Variants in RPTOR observed in about 807,000 individuals in gnomAD.
RPTOR encodes regulatory-associated protein of mTOR.
Under a neutral mutation model 169.9 loss-of-function variants are expected in RPTOR, and 21 were observed. That is an observed-to-expected ratio of 0.12 (90% confidence interval 0.09 to 0.18). RPTOR has a LOEUF of 0.18. Among genes scored for constraint, RPTOR ranks in the 10% least tolerant of loss-of-function variants. The pLI is 1.00. For missense variants in RPTOR, 1,133 were observed against 1,855.9 expected, an observed-to-expected ratio of 0.61 and a Z score of 7.16; for synonymous variants, 732 against 753.2, an observed-to-expected ratio of 0.97 and a Z score of 0.46.
intron 3 of RPTOR, among the ~76,000 whole-genome samples, chr17:80,685,879 A>T (rs1166942219): frequency 6.6e-6 from 1 of 150,748 alleles, no homozygotes; most frequent in African/African-American, 2.4e-5. Context: ...CCCGACAAGA[A>T]CCCTATTTCT....
chr17:80,713,225 C>T (rs1455282021), intron 4 of RPTOR, among the ~76,000 whole-genome samples: 9 of 152,158 alleles, frequency 5.9e-5, no homozygotes, highest in South Asian at 4.1e-4. Context: ...CCCGCCTCCA[C>T]GCCCGGCTAA....
chr17:80,561,463 CTG>C (rs993664966), intron 1 of RPTOR, among the ~76,000 whole-genome samples: 1 of 151,094 alleles, frequency 6.6e-6, no homozygotes, highest in Non-Finnish European at 1.5e-5. Flanking sequence ...CAGGGTCTCA[CTG>C]TGTCACTGAG....
At chr17:80,812,341 T>G (rs1017815474) in intron 7 of RPTOR, among the ~76,000 whole-genome samples, 8 of 144,772 alleles carry the variant, frequency 5.5e-5, no homozygotes, top group Non-Finnish European at 1.1e-4. Flanking sequence ...TAATTACCTG[T>G]TTTTTTTTTT....
chr17:80,672,293 T>C (rs2065827609), intron 3 of RPTOR, among the ~76,000 whole-genome samples: 1 of 152,072 alleles, frequency 6.6e-6, no homozygotes, highest in Non-Finnish European at 1.5e-5. Flanking sequence ...AAGTAGTCAT[T>C]CCAAGGCTGT....
At chr17:80,605,639 C>G (rs766203156) in intron 1 of RPTOR, among the ~76,000 whole-genome samples, 3 of 152,152 alleles carry the variant, frequency 2.0e-5, no homozygotes, top group Non-Finnish European at 4.4e-5. Flanking sequence ...CTGGGCGTTT[C>G]TCTTCCAGAG....
intron 1 of RPTOR, among the ~76,000 whole-genome samples, chr17:80,592,308 G>A (rs539062771): frequency 1.3e-5 from 2 of 152,170 alleles, no homozygotes; most frequent in South Asian, 4.1e-4. Context: ...GAGATCCGCT[G>A]TGTGGTTTCA....
rs202130510 is a variant in RPTOR, at chr17:80,947,332, G to A, written c.3246G>A (p.Ser1082=). The change falls in exon 27 of 34, where the codon TCG becomes TCA. Residue 1082 remains serine, a synonymous_variant. Transcript: ENST00000306801. The surrounding 1 kb of genome is among the most constrained non-coding windows in gnomAD (Gnocchi z 4.4). ...AGTATCTGAACGGCCAGGACTGCTC[G>A]CTTCTGCTGACGGCCACAGGTGAGC... ...AMEYLNGQDC[S]LLLTATDDGA... is the part of the protein sequence containing the mutation. 2.5e-5 allele frequency: 39 copies of A among 1,576,552 alleles called. No individual in the cohort carries two copies. Among genetic ancestry groups the A allele is most frequent in the East Asian group, 9.4e-5 (4 of 42,444 alleles).
At chr17:80,812,018 GACACAGC>G (rs1438215235) in intron 7 of RPTOR, among the ~76,000 whole-genome samples, 2 of 152,204 alleles carry the variant, frequency 1.3e-5, no homozygotes, top group Non-Finnish European at 2.9e-5. Flanking sequence ...GTACCCACGG[GACACAGC>G]CACACCCTCT....
chr17:80,872,305 T>G (rs2068060190), intron 13 of RPTOR, among the ~76,000 whole-genome samples: 1 of 152,178 alleles, frequency 6.6e-6, no homozygotes, highest in African/African-American at 2.4e-5. Context: ...TTTTTAGCCA[T>G]CCTCCTAGTT....
chr17:80,893,562 GGGTGTGTGTGTACCA>G, intron 19 of RPTOR, 130 bp from the exon 20 acceptor site: 1 of 997,692 alleles, frequency 1.0e-6, no homozygotes, highest in East Asian at 2.8e-5. Context: ...GTGCGCACCA[GGGTGTGTGTGTACCA>G]GGGTGTGTTT....
intron 1 of RPTOR, among the ~76,000 whole-genome samples, chr17:80,590,261 G>T (rs996843371): frequency 6.7e-6 from 1 of 149,288 alleles, no homozygotes; most frequent in African/African-American, 2.5e-5. Context: ...AGGCATGCAG[G>T]TATGCACACA....
chr17:80,806,814 T>A (rs1343147933), intron 7 of RPTOR, among the ~76,000 whole-genome samples: 5 of 152,256 alleles, frequency 3.3e-5, no homozygotes, highest in African/African-American at 9.6e-5. Flanking sequence ...TTCTTTTTTT[T>A]AAATTCTCTT....
chr17:80,838,265 C>T (rs546431076), intron 10 of RPTOR, among the ~76,000 whole-genome samples: 1 of 152,352 alleles, frequency 6.6e-6, no homozygotes, highest in Non-Finnish European at 1.5e-5. Flanking sequence ...CGGACTCACT[C>T]CCTGTGAGTG....
chr17:80,734,617 G>C (rs1036887629), intron 5 of RPTOR, among the ~76,000 whole-genome samples: 1 of 152,196 alleles, frequency 6.6e-6, no homozygotes, highest in Non-Finnish European at 1.5e-5. Flanking sequence ...ATCCTTAGCC[G>C]ACTGGCTTTA....
chr17:80,945,585 C>A, intron 25 of RPTOR, 82 bp from the exon 26 acceptor site: 3 of 868,736 alleles, frequency 3.5e-6, no homozygotes, highest in Non-Finnish European at 5.3e-6. Flanking sequence ...GAGCGAGACT[C>A]CGTCTCAAAA....
chr17:80,890,111 C>T (rs1000410366), intron 17 of RPTOR, among the ~76,000 whole-genome samples: 1 of 151,696 alleles, frequency 6.6e-6, no homozygotes. Flanking sequence ...AGGCCCCGTG[C>T]GCAGCAGGAT....
intron 3 of RPTOR, among the ~76,000 whole-genome samples, chr17:80,706,341 G>GAA (rs2066141879): frequency 6.6e-6 from 1 of 152,134 alleles, no homozygotes; most frequent in South Asian, 2.1e-4. Flanking sequence ...AAAGTACTTT[G>GAA]CAGGAAAAGA....
intron 5 of RPTOR, among the ~76,000 whole-genome samples, chr17:80,737,917 C>T (rs1352479250): frequency 6.6e-6 from 1 of 151,438 alleles, no homozygotes; most frequent in East Asian, 1.9e-4. Flanking sequence ...AAGGGGAGTT[C>T]GTCCAAAACA....
At chr17:80,565,169 G>A (rs568830289) in intron 1 of RPTOR, among the ~76,000 whole-genome samples, 37 of 152,248 alleles carry the variant, frequency 2.4e-4, no homozygotes, top group African/African-American at 8.4e-4. Context: ...TACCTGGAAC[G>A]CATGTTATCT....
Sources: gnomAD v4.1 joint callset for allele counts (sites outside exome capture counted in the v4.1 genomes callset) on GRCh38, gnomAD v4.1.1 for gene constraint, Gnocchi (gnomAD v3.1) non-coding constraint, MANE v1.5 for transcripts, NCBI Gene and HGNC (gene_info 2026-07-23, HGNC 2026-07-21) for gene names.